The following MGAT4C variants were observed in gnomAD, a reference collection of about 807,000 sequenced individuals.
MGAT4C encodes MGAT4 family member C, also known as alpha-1,3-mannosyl-glycoprotein 4-beta-N-acetylglucosaminyltransferase C.
MGAT4C carries 19 observed loss-of-function variants against 40.1 expected under a neutral mutation model. That is an observed-to-expected ratio of 0.47 (90% confidence interval 0.33 to 0.70). MGAT4C has a LOEUF of 0.70. Among genes scored for constraint, MGAT4C ranks in the 30% least tolerant of loss-of-function variants. The pLI, the probability that MGAT4C is intolerant of heterozygous loss-of-function variation, is 0.02. For missense variants in MGAT4C, 491 were observed against 563.2 expected (o/e 0.87, Z 1.30); for synonymous variants, 181 against 187.1 (o/e 0.97, Z 0.27).
In MGAT4C at chr12:85,958,514, A is replaced by G. The variant is rs749288309; in HGVS notation, c.*20775T>C. 2 of 152,154 alleles carry G rather than the reference A, an allele frequency of 1.3e-5. No individual in the cohort carries two copies. The highest frequency in any genetic ancestry group is 2.9e-5 in the Non-Finnish European group (2 of 68,016). 9.4% of individuals were successfully genotyped at this position (152,154 alleles called of 1,614,324 possible). A position where few individuals can be genotyped will look rare whatever the true frequency, so the allele number is the denominator to read the frequency against. On this transcript the variant is annotated 3_prime_UTR_variant, in exon 5 of 5. Transcript: ENST00000611864. ...ACATTGAGTCTCTATGGTTGACTAT[A>G]TGCTGTGAAGGAAGGACATAAATAC... is the stretch of plus-strand genomic sequence containing the variant.
rs55637680 is a variant in MGAT4C at position 86,688,157 on chromosome 12, CTTTTTT to C, written c.-229+39046_-229+39051del. On this transcript the variant is annotated intron_variant, in intron 2 of 7. Transcript: ENST00000548651. Reference sequence around the variant, plus strand: ...TCAGAGACTAGGAATGCAACCCCTGCTTTTTTTTTTTTTTTTTTTTTTTTGCTTTCC... The same window carrying C: ...TCAGAGACTAGGAATGCAACCCCTGCTTTTTTTTTTTTTTTTTTGCTTTCC... Among the ~76,000 whole-genome samples, 13 of 65,186 alleles carry C rather than the reference CTTTTTT, an allele frequency of 2.0e-4. No homozygotes were observed. In the Admixed American group the frequency reaches 2.9e-3, roughly 14 times the overall value. 42.8% of individuals were successfully genotyped at this position (65,186 alleles called of 152,430 possible).
At chr12:86,125,339 C>T (rs1231877810) in intron 1 of MGAT4C, among the ~76,000 whole-genome samples, 1 of 152,104 alleles carries the variant, frequency 6.6e-6, no homozygotes, top group Non-Finnish European at 1.5e-5. Flanking sequence ...CTGCTACATC[C>T]CACACAGGGA....
intron 3 of MGAT4C, among the ~76,000 whole-genome samples, chr12:86,405,486 T>C (rs1956446252): frequency 6.6e-6 from 1 of 151,894 alleles, no homozygotes; most frequent in South Asian, 2.1e-4. Flanking sequence ...TAACTGAAGA[T>C]CTAAAAAATG....
intron 1 of MGAT4C, among the ~76,000 whole-genome samples, chr12:86,146,244 T>C (rs987717763): frequency 6.6e-6 from 1 of 152,136 alleles, no homozygotes; most frequent in Non-Finnish European, 1.5e-5. Context: ...ATATTCTAAT[T>C]ATGGCTGGCG....
intron 2 of MGAT4C, among the ~76,000 whole-genome samples, chr12:86,442,372 G>A (rs750030826): frequency 5.3e-5 from 8 of 152,044 alleles, no homozygotes; most frequent in South Asian, 2.1e-4. Flanking sequence ...GTCAATTTTG[G>A]CTTGTGTTGC....
At chr12:86,275,260 G>T (rs1953044410) in intron 4 of MGAT4C, among the ~76,000 whole-genome samples, 1 of 152,194 alleles carries the variant, frequency 6.6e-6, no homozygotes. Context: ...TAATGGTTAA[G>T]AGTAAGAGCA....
intron 2 of MGAT4C, among the ~76,000 whole-genome samples, chr12:85,996,028 C>T (rs945642054): frequency 6.6e-6 from 1 of 152,174 alleles, no homozygotes; most frequent in African/African-American, 2.4e-5. Flanking sequence ...AAGTACAGCA[C>T]TCTTTAAACA....
chr12:86,742,118 G>A (rs1258120073), intron 1 of MGAT4C, among the ~76,000 whole-genome samples: 1 of 150,924 alleles, frequency 6.6e-6, no homozygotes, highest in African/African-American at 2.4e-5. Flanking sequence ...CTGGGTTTAG[G>A]GTTATCAGAG....
upstream of MGAT4C, among the ~76,000 whole-genome samples, chr12:86,256,968 T>C (rs1952537710): frequency 6.6e-6 from 1 of 152,210 alleles, no homozygotes; most frequent in Non-Finnish European, 1.5e-5. Context: ...TGTTAAACAC[T>C]GTTTGCAAAG....
intron 2 of MGAT4C, among the ~76,000 whole-genome samples, chr12:86,672,052 A>C (rs538133281): frequency 6.6e-6 from 1 of 152,270 alleles, no homozygotes; most frequent in African/African-American, 2.4e-5. Flanking sequence ...AGAAGTGTTA[A>C]AACATTCAGA....
intron 1 of MGAT4C, among the ~76,000 whole-genome samples, chr12:86,835,213 T>A (rs771384676): frequency 2.0e-5 from 3 of 151,966 alleles, no homozygotes; most frequent in African/African-American, 4.8e-5. Flanking sequence ...GGAATTCAGA[T>A]GTAGAATTTT....
chr12:86,071,660 G>A (rs201759910), intron 1 of MGAT4C, among the ~76,000 whole-genome samples: 7 of 151,968 alleles, frequency 4.6e-5, no homozygotes, highest in South Asian at 4.1e-4. Flanking sequence ...CTTACTATGC[G>A]TCATAGCTTT....
intron 3 of MGAT4C, among the ~76,000 whole-genome samples, chr12:86,406,099 T>G (rs547150546): frequency 6.8e-6 from 1 of 147,390 alleles, no homozygotes; most frequent in Non-Finnish European, 1.5e-5. Flanking sequence ...GACTTAAGTT[T>G]CACCTAGTAA....
chr12:86,159,347 C>T (rs912086390), intron 1 of MGAT4C, among the ~76,000 whole-genome samples: 4 of 149,874 alleles, frequency 2.7e-5, no homozygotes, highest in African/African-American at 4.9e-5. Flanking sequence ...ATGTTGAACC[C>T]GCCTCACATC....
At chr12:85,999,583 G>GTATATATATATATATA (rs67914292) in intron 2 of MGAT4C, among the ~76,000 whole-genome samples, 4 of 122,966 alleles carry the variant, frequency 3.3e-5, no homozygotes, top group African/African-American at 1.2e-4. Context: ...GTGTGTGTGT[G>GTATATATATATATATA]TATATATATA....
intron 1 of MGAT4C, among the ~76,000 whole-genome samples, chr12:86,251,511 G>A (rs1287708800): frequency 6.6e-6 from 1 of 151,946 alleles, no homozygotes; most frequent in African/African-American, 2.4e-5. Flanking sequence ...TTCTTGCTCT[G>A]CTGAGAAAAA....
Position 86,579,189 on chromosome 12 carries a change from G to A in MGAT4C, c.-228-143924C>T, listed in dbSNP as rs145785517. Among the ~76,000 whole-genome samples, 5 of 151,472 alleles carry A rather than the reference G, an allele frequency of 3.3e-5. No homozygotes were observed. In the East Asian group the frequency reaches 9.8e-4, roughly 30 times the overall value. On this transcript the variant is annotated intron_variant, in intron 2 of 7. Coordinates refer to the MGAT4C transcript ENST00000548651. ...GATAAGTAGGGACTCTGGTCATTTTGTTATTGGTTTTCTGATTGTTTTGTG... is the reference window on the plus strand; with the variant it reads ...GATAAGTAGGGACTCTGGTCATTTTATTATTGGTTTTCTGATTGTTTTGTG...
At chr12:86,226,048 A>G (rs904471871) in intron 1 of MGAT4C, among the ~76,000 whole-genome samples, 1 of 152,086 alleles carries the variant, frequency 6.6e-6, no homozygotes, top group Non-Finnish European at 1.5e-5. Flanking sequence ...CTTGCATGTA[A>G]TAACAGATCT....
At chr12:86,739,133 CAAAAAAAAAAAAA>C (rs59869666) in intron 1 of MGAT4C, among the ~76,000 whole-genome samples, 7 of 39,786 alleles carry the variant, frequency 1.8e-4, no homozygotes, top group Admixed American at 1.3e-3. Context: ...TTTCCCTGTG[CAAAAAAAAAAAAA>C]AAAAAAAAAA....
Sources: gnomAD v4.1 joint callset for allele counts (sites outside exome capture counted in the v4.1 genomes callset) on GRCh38, gnomAD v4.1.1 for gene constraint, MANE v1.5 for transcripts, NCBI Gene and HGNC (gene_info 2026-07-23, HGNC 2026-07-21) for gene names.